TAFA2: variants seen among roughly 807,000 people sequenced by gnomAD.
The protein encoded by TAFA2 is chemokine-like protein TAFA-2.
A neutral mutation model predicts 18.8 loss-of-function variants in TAFA2; 7 were observed. That is an observed-to-expected ratio of 0.37 (90% confidence interval 0.21 to 0.70). The LOEUF (loss-of-function observed/expected upper bound fraction) is 0.70. Ranked by LOEUF, TAFA2 falls within the 30% of genes least tolerant of loss-of-function variation. The pLI, the probability that TAFA2 is intolerant of heterozygous loss-of-function variation, is 0.53. For synonymous variants in TAFA2, 60 were observed against 54.2 expected (o/e 1.11, Z -0.47); for missense variants, 122 against 158.1 (o/e 0.77, Z 1.23).
At chr12:61,967,454 T>G (rs1328433388) in intron 1 of TAFA2, among the ~76,000 whole-genome samples, 1 of 151,842 alleles carries the variant, frequency 6.6e-6, no homozygotes, top group East Asian at 1.9e-4. Context: ...CCTAGTGAAA[T>G]GATTTGATTC....
intron 2 of TAFA2, among the ~76,000 whole-genome samples, chr12:61,839,971 T>G (rs1365554580): frequency 1.3e-5 from 2 of 152,156 alleles, no homozygotes; most frequent in African/African-American, 4.8e-5. Context: ...GGAAAAGATT[T>G]CAGACAGAAG....
chr12:62,026,133 T>C (rs973220703), intron 1 of TAFA2, among the ~76,000 whole-genome samples: 2 of 152,130 alleles, frequency 1.3e-5, no homozygotes, highest in Non-Finnish European at 2.9e-5. Context: ...AGCATAAACA[T>C]TAACCATGAA....
chr12:62,201,541 T>C (rs1482599668), intron 1 of TAFA2, among the ~76,000 whole-genome samples: 1 of 152,258 alleles, frequency 6.6e-6, no homozygotes, highest in Non-Finnish European at 1.5e-5. Flanking sequence ...GAATTATGTT[T>C]ATTGATTTGC....
At chr12:62,022,174 A>G (rs575217780) in intron 1 of TAFA2, 35 of 382,610 alleles carry the variant, frequency 9.1e-5, no homozygotes, top group Non-Finnish European at 1.6e-4. Flanking sequence ...TGGTTGGTGT[A>G]AAGGAAAGGC....
intron 1 of TAFA2, among the ~76,000 whole-genome samples, chr12:62,130,805 T>C (rs1390037124): frequency 6.6e-6 from 1 of 152,000 alleles, no homozygotes; most frequent in African/African-American, 2.4e-5. Flanking sequence ...GAGAGGGACA[T>C]GCCTATTTTT....
At chr12:62,107,435 T>C (rs1241692237) in intron 1 of TAFA2, among the ~76,000 whole-genome samples, 2 of 152,142 alleles carry the variant, frequency 1.3e-5, no homozygotes, top group African/African-American at 4.8e-5. Context: ...AAAATAAAAA[T>C]AAAGTAGTGA....
At chr12:61,920,645 T>A (rs1031941036) in intron 1 of TAFA2, among the ~76,000 whole-genome samples, 2 of 152,160 alleles carry the variant, frequency 1.3e-5, no homozygotes, top group African/African-American at 4.8e-5. Flanking sequence ...CTTGCACACG[T>A]ATGTGTGCTG....
intron 1 of TAFA2, among the ~76,000 whole-genome samples, chr12:62,188,787 T>C (rs1027277214): frequency 2.0e-5 from 3 of 152,168 alleles, no homozygotes; most frequent in Non-Finnish European, 2.9e-5. Flanking sequence ...AATTTTATCA[T>C]TTTATAAATT....
At chr12:61,724,749 CTATGTG>C (rs1222938494) in intron 4 of TAFA2, among the ~76,000 whole-genome samples, 27 of 96,378 alleles carry the variant, frequency 2.8e-4, no homozygotes, top group Middle Eastern at 5.1e-3. Flanking sequence ...CATGGTATGT[CTATGTG>C]TGTGTGTGTG....
intron 1 of TAFA2, among the ~76,000 whole-genome samples, chr12:61,892,898 G>A (rs2121299778): frequency 6.6e-6 from 1 of 152,208 alleles, no homozygotes; most frequent in East Asian, 1.9e-4. Flanking sequence ...AAATAAATGT[G>A]TATATGTATA....
intron 2 of TAFA2, among the ~76,000 whole-genome samples, chr12:61,847,488 A>G (rs1873454927): frequency 6.6e-6 from 1 of 152,226 alleles, no homozygotes; most frequent in African/African-American, 2.4e-5. Context: ...ACTGTCCTCA[A>G]TTTTGGACAT....
chr12:61,979,588 A>T (rs188279154), intron 1 of TAFA2, among the ~76,000 whole-genome samples: 9 of 152,230 alleles, frequency 5.9e-5, no homozygotes, highest in African/African-American at 1.7e-4. Context: ...CCACTGAAGT[A>T]CTGCCCAGAA....
intron 1 of TAFA2, among the ~76,000 whole-genome samples, chr12:62,095,973 CA>C (rs952938523): frequency 3.3e-5 from 5 of 152,026 alleles, no homozygotes; most frequent in African/African-American, 9.7e-5. Flanking sequence ...AGGTCTGGTT[CA>C]AAAAGCAAAC....
intron 1 of TAFA2, among the ~76,000 whole-genome samples, chr12:62,246,999 A>G (rs2062889754): frequency 6.6e-6 from 1 of 152,156 alleles, no homozygotes; most frequent in Middle Eastern, 3.4e-3. Flanking sequence ...ATTTAATGTG[A>G]ATATATTTGG....
intron 1 of TAFA2, among the ~76,000 whole-genome samples, chr12:61,925,007 T>C (rs1299495757): frequency 1.3e-5 from 2 of 152,050 alleles, no homozygotes; most frequent in Non-Finnish European, 2.9e-5. Flanking sequence ...TATCTAATGG[T>C]AAAGGAACCA....
chr12:61,979,108 G>A lies in TAFA2; in HGVS notation c.-1-111682C>T, dbSNP rs1017600025. Among the ~76,000 whole-genome samples, 9 of 152,030 alleles carry A rather than the reference G, an allele frequency of 5.9e-5. No homozygotes were observed. In the South Asian group the frequency reaches 1.2e-3, roughly 21 times the overall value. On this transcript the variant is annotated intron_variant, in intron 1 of 4. Coordinates refer to ENST00000416284, the MANE Select transcript of TAFA2 (RefSeq NM_178539.5). ...CATTTGCCATTTTTCTGCAGATAAC[G>A]TCATGTTACTCTCTTTTGCTATCCA...
intron 1 of TAFA2, among the ~76,000 whole-genome samples, chr12:62,103,142 T>C (rs1399905933): frequency 6.6e-6 from 1 of 152,176 alleles, no homozygotes; most frequent in Admixed American, 6.5e-5. Context: ...CATCTTACAC[T>C]CATTACAGCT....
intron 1 of TAFA2, among the ~76,000 whole-genome samples, chr12:62,242,738 C>G (rs1159030466): frequency 6.6e-6 from 1 of 152,154 alleles, no homozygotes; most frequent in Admixed American, 6.5e-5. Context: ...AGATAAATAT[C>G]TGATTAAGTT....
intron 1 of TAFA2, among the ~76,000 whole-genome samples, chr12:61,958,010 T>A (rs531326501): frequency 6.6e-6 from 1 of 152,066 alleles, no homozygotes; most frequent in Non-Finnish European, 1.5e-5. Context: ...CAATAGCATC[T>A]CACCCCAGCT....
Sources: allele counts gnomAD v4.1 joint callset (sites outside exome capture counted in the v4.1 genomes callset), GRCh38; gene constraint gnomAD v4.1.1; transcripts MANE v1.5; gene names NCBI Gene and HGNC (gene_info 2026-07-23, HGNC 2026-07-21).